The following PLCB1 variants were observed in gnomAD, a reference collection of about 807,000 sequenced individuals.
The protein encoded by PLCB1 is 1-phosphatidylinositol 4,5-bisphosphate phosphodiesterase beta-1.
A neutral mutation model predicts 161.8 loss-of-function variants in PLCB1; 46 were observed. That is an observed-to-expected ratio of 0.28 (90% CI 0.22 to 0.36). PLCB1 has a LOEUF of 0.36. Ranked by LOEUF, PLCB1 falls within the 10% of genes least tolerant of loss-of-function variation. PLCB1 has a pLI of 1.00. For synonymous variants in PLCB1, 517 were observed against 503.7 expected, an observed-to-expected ratio of 1.03 and a Z score of -0.35; for missense variants, 1,016 against 1,472.5, an observed-to-expected ratio of 0.69 and a Z score of 5.07.
intron 4 of PLCB1, among the ~76,000 whole-genome samples, chr20:8,637,872 A>G (rs1046363264): frequency 1.3e-5 from 2 of 152,216 alleles, no homozygotes; most frequent in African/African-American, 4.8e-5. Context: ...GCGGAACAAG[A>G]TAAAAACTGA....
At chr20:8,531,474 T>C (rs373686782) in intron 3 of PLCB1, among the ~76,000 whole-genome samples, 37 of 152,228 alleles carry the variant, frequency 2.4e-4, no homozygotes, top group South Asian at 6.2e-4. Context: ...TATCTTAGTG[T>C]GTGTGTATTT....
intron 3 of PLCB1, among the ~76,000 whole-genome samples, chr20:8,403,213 C>T (rs1270536014): frequency 1.3e-5 from 2 of 152,078 alleles, no homozygotes; most frequent in African/African-American, 4.8e-5. Context: ...CTTTGAAACC[C>T]TCCCTCCTCA....
chr20:8,596,882 C>T (rs1240998989), intron 3 of PLCB1, among the ~76,000 whole-genome samples: 2 of 152,234 alleles, frequency 1.3e-5, no homozygotes, highest in Admixed American at 6.5e-5. Context: ...TGGGAGTTCA[C>T]TCATGATTTG....
At chr20:8,338,067 G>A (rs2122214220) in intron 2 of PLCB1, among the ~76,000 whole-genome samples, 1 of 152,248 alleles carries the variant, frequency 6.6e-6, no homozygotes, top group South Asian at 2.1e-4. Context: ...GAGACGTCCA[G>A]GATTCAGAGA....
intron 3 of PLCB1, among the ~76,000 whole-genome samples, chr20:8,389,103 TA>T (rs1987516847): frequency 6.6e-6 from 1 of 152,162 alleles, no homozygotes; most frequent in African/African-American, 2.4e-5. Context: ...CTTTAATGGC[TA>T]AAAGCTTTTT....
chr20:8,366,533 C>T lies in PLCB1; in HGVS notation c.178-4849C>T, dbSNP rs545340327. ...GAGATAAAAGTCCAAGGTCTTTTGT[C>T]GAGGGATTCACACCAAGTGGTGAAA... On this transcript the variant is annotated intron_variant, in intron 2 of 31. Coordinates refer to ENST00000338037, the MANE Select transcript of PLCB1 (RefSeq NM_015192.4). 1.4e-4 allele frequency among the ~76,000 whole-genome samples: 21 copies of T among 152,210 alleles called. 1 individual carries two copies. Among genetic ancestry groups the T allele is most frequent in the East Asian group, 7.7e-4 (4 of 5,182 alleles).
intron 2 of PLCB1, among the ~76,000 whole-genome samples, chr20:8,346,613 G>A (rs551939120): frequency 6.6e-6 from 1 of 152,212 alleles, no homozygotes; most frequent in African/African-American, 2.4e-5. Context: ...ATTAATCAAG[G>A]CAGTGACAAG....
At chr20:8,863,623 T>G (rs1458280246) in intron 31 of PLCB1, among the ~76,000 whole-genome samples, 2 of 152,252 alleles carry the variant, frequency 1.3e-5, no homozygotes, top group African/African-American at 2.4e-5. Context: ...GAGCTTCTGC[T>G]CTGTATAACC....
intron 3 of PLCB1, among the ~76,000 whole-genome samples, chr20:8,626,617 C>G (rs1359168105): frequency 6.6e-6 from 1 of 152,096 alleles, no homozygotes; most frequent in African/African-American, 2.4e-5. Context: ...TGATTCATCT[C>G]CAAATATTTT....
At chr20:8,159,901 T>A (rs2051603321) in intron 2 of PLCB1, among the ~76,000 whole-genome samples, 1 of 145,426 alleles carries the variant, frequency 6.9e-6, no homozygotes, top group Non-Finnish European at 1.5e-5. Flanking sequence ...GGCAGGTGAA[T>A]CACTTGAACC....
At chr20:8,408,115 T>C (rs573684473) in intron 3 of PLCB1, among the ~76,000 whole-genome samples, 1 of 152,188 alleles carries the variant, frequency 6.6e-6, no homozygotes, top group Non-Finnish European at 1.5e-5. Flanking sequence ...ATTGGTTGAT[T>C]GACTGTGACA....
intron 23 of PLCB1, among the ~76,000 whole-genome samples, chr20:8,745,873 C>A (rs1335050190): frequency 1.3e-5 from 2 of 152,162 alleles, no homozygotes; most frequent in East Asian, 3.8e-4. Flanking sequence ...CCCTCTAATT[C>A]TGCAAATACT....
intron 3 of PLCB1, among the ~76,000 whole-genome samples, chr20:8,400,024 T>C (rs1213028221): frequency 6.6e-6 from 1 of 152,170 alleles, no homozygotes; most frequent in Non-Finnish European, 1.5e-5. Context: ...TGGGAACAGA[T>C]TAATGCTGCA....
intron 11 of PLCB1, among the ~76,000 whole-genome samples, chr20:8,700,792 T>C (rs933483896): frequency 4.0e-5 from 6 of 151,870 alleles, no homozygotes; most frequent in Non-Finnish European, 5.9e-5. Context: ...AGTGAATTCA[T>C]CATCCCAGTT....
chr20:8,276,375 T>C (rs1339571845), intron 2 of PLCB1, among the ~76,000 whole-genome samples: 1 of 152,220 alleles, frequency 6.6e-6, no homozygotes, highest in African/African-American at 2.4e-5. Context: ...ATTTTTCTGC[T>C]GTATCCTTTG....
chr20:8,659,248 CA>C (rs1300820731), intron 9 of PLCB1, among the ~76,000 whole-genome samples: 1 of 151,992 alleles, frequency 6.6e-6, no homozygotes, highest in Non-Finnish European at 1.5e-5. Flanking sequence ...ATTGATAGCC[CA>C]AAGACAGCTC....
intron 2 of PLCB1, among the ~76,000 whole-genome samples, chr20:8,342,651 A>C (rs1007665934): frequency 6.6e-6 from 1 of 152,220 alleles, no homozygotes; most frequent in African/African-American, 2.4e-5. Context: ...CGCAAGAGCC[A>C]GTCTGCCTAG....
chr20:8,312,284 G>T (rs1029428200), intron 2 of PLCB1, among the ~76,000 whole-genome samples: 1 of 151,906 alleles, frequency 6.6e-6, no homozygotes, highest in South Asian at 2.1e-4. Context: ...CTTCTACCCC[G>T]CAAAAGCCTA....
intron 3 of PLCB1, among the ~76,000 whole-genome samples, chr20:8,383,622 T>C (rs1002056679): frequency 3.0e-4 from 46 of 152,238 alleles, no homozygotes; most frequent in Non-Finnish European, 1.0e-4. Context: ...AGTTTCTTCA[T>C]AGTGTCATTC....
Sources: gnomAD v4.1 joint callset for allele counts (sites outside exome capture counted in the v4.1 genomes callset) on GRCh38, gnomAD v4.1.1 for gene constraint, MANE v1.5 for transcripts, NCBI Gene and HGNC (gene_info 2026-07-23, HGNC 2026-07-21) for gene names.